SLC9A2: variants seen among roughly 807,000 people sequenced by gnomAD.
The protein encoded by SLC9A2 is solute carrier family 9 member A2, also known as sodium/hydrogen exchanger 2.
SLC9A2 carries 42 observed loss-of-function variants against 71.7 expected under a neutral mutation model. That is an observed-to-expected ratio of 0.59 (90% CI 0.46 to 0.76). The LOEUF is 0.76. Ranked by LOEUF, SLC9A2 falls within the 30% of genes least tolerant of loss-of-function variation. The pLI is 0.00. For missense variants in SLC9A2, 829 were observed against 1,017.4 expected, an observed-to-expected ratio of 0.81 and a Z score of 2.52; for synonymous variants, 396 against 392.5, an observed-to-expected ratio of 1.01 and a Z score of -0.10.
intron 1 of SLC9A2, among the ~76,000 whole-genome samples, chr2:102,655,524 A>G (rs1319348446): frequency 1.3e-5 from 2 of 152,334 alleles, no homozygotes; most frequent in Middle Eastern, 3.4e-3. Flanking sequence ...TTGTTTAAAA[A>G]CAAGACATAA....
chr2:102,623,813 C>T (rs559360693), intron 1 of SLC9A2, among the ~76,000 whole-genome samples: 10 of 152,218 alleles, frequency 6.6e-5, no homozygotes, highest in South Asian at 4.2e-4. Context: ...TTAATCTAAA[C>T]GTGGTTAAAT....
intron 1 of SLC9A2, among the ~76,000 whole-genome samples, chr2:102,654,254 C>G (rs978582222): frequency 7.6e-6 from 1 of 131,540 alleles, no homozygotes; most frequent in Non-Finnish European, 1.6e-5. Flanking sequence ...TCTTATCACA[C>G]ACTAGCAGGT....
In SLC9A2 at chr2:102,657,100, G is replaced by A; in HGVS notation, c.290-464G>A. 1.3e-5 allele frequency among the ~76,000 whole-genome samples: 2 copies of A among 151,978 alleles called. 1 individual carries two copies. Among genetic ancestry groups the A allele is most frequent in the East Asian group, 3.9e-4 (2 of 5,178 alleles). ...CGTGCCTATAATCCCAGCTATTCGG[G>A]AGGCTGAGGCAGGGAGAATTGCTTG... is the stretch of plus-strand genomic sequence containing the variant. On this transcript the variant is annotated intron_variant, in intron 1 of 11. Coordinates refer to ENST00000233969, the MANE Select transcript of SLC9A2 (RefSeq NM_003048.6).
intron 1 of SLC9A2, among the ~76,000 whole-genome samples, chr2:102,643,536 C>T (rs1054967501): frequency 3.3e-5 from 5 of 152,190 alleles, no homozygotes; most frequent in Admixed American, 2.6e-4. Flanking sequence ...CCGGCTTCTT[C>T]AGCTCCAAGT....
chr2:102,675,055 C>T (rs559605218), intron 3 of SLC9A2, among the ~76,000 whole-genome samples: 1 of 152,202 alleles, frequency 6.6e-6, no homozygotes, highest in South Asian at 2.1e-4. Context: ...TCACATGACC[C>T]GCCCTGTGAC....
At chr2:102,637,458 C>T (rs954900026) in intron 1 of SLC9A2, among the ~76,000 whole-genome samples, 3 of 152,168 alleles carry the variant, frequency 2.0e-5, no homozygotes, top group Non-Finnish European at 2.9e-5. Context: ...TGATCATTTC[C>T]GAGCTGTCCA....
chr2:102,644,345 C>A (rs1258425584), intron 1 of SLC9A2, among the ~76,000 whole-genome samples: 1 of 152,098 alleles, frequency 6.6e-6, no homozygotes, highest in African/African-American at 2.4e-5. Context: ...CCCTTGGGTG[C>A]CTACACAACC....
intron 3 of SLC9A2, among the ~76,000 whole-genome samples, chr2:102,670,184 T>C (rs565307017): frequency 1.3e-5 from 2 of 149,518 alleles, no homozygotes; most frequent in Non-Finnish European, 3.0e-5. Context: ...AGCTATTTTT[T>C]TTTTTGTATT....
rs1678085123 is a variant in SLC9A2 at position 102,710,488 on chromosome 2, A to C, written c.*1999A>C. On this transcript the variant is annotated 3_prime_UTR_variant, in exon 12 of 12. Transcript: ENST00000233969. ...TTCTGGAACTGAAGGAGAAAACATG[A>C]AAATGTTTATATTGCTTCTTGTTAA... 1 of 152,288 alleles carries C rather than the reference A, an allele frequency of 6.6e-6. No individual in the cohort carries two copies. Among genetic ancestry groups the C allele is most frequent in the African/African-American group, 2.4e-5 (1 of 41,466 alleles). 9.4% of individuals were successfully genotyped at this position (152,288 alleles called of 1,614,324 possible).
Position 102,684,452 on chromosome 2 carries a change from G to T in SLC9A2, c.1425+116G>T, listed in dbSNP as rs938467813. On this transcript the variant is annotated intron_variant, in intron 5 of 11. Coordinates refer to ENST00000233969, the MANE Select transcript of SLC9A2 (RefSeq NM_003048.6). Reference sequence around the variant, plus strand: ...TTGAAACTTTGGTAGTTAATTACTAGGGAAAATGATATTTCCTGTCTGGGT... The same window carrying T: ...TTGAAACTTTGGTAGTTAATTACTATGGAAAATGATATTTCCTGTCTGGGT... 3 of 937,530 alleles carry T rather than the reference G, an allele frequency of 3.2e-6. No homozygotes were observed. The Admixed American group carries it at 5.5e-5, about 17-fold the overall frequency. 58.1% of individuals were successfully genotyped at this position (937,530 alleles called of 1,614,324 possible). A position where few individuals can be genotyped will look rare whatever the true frequency, so the allele number is the denominator to read the frequency against.
chr2:102,671,221 T>A (rs573114407), intron 3 of SLC9A2, among the ~76,000 whole-genome samples: 5 of 152,304 alleles, frequency 3.3e-5, no homozygotes, highest in African/African-American at 1.2e-4. Flanking sequence ...CTCTTCTCAC[T>A]GGGTCATTGT....
chr2:102,640,775 A>G (rs1172865944), intron 1 of SLC9A2, among the ~76,000 whole-genome samples: 1 of 152,180 alleles, frequency 6.6e-6, no homozygotes, highest in African/African-American at 2.4e-5. Context: ...TGGGTGATGG[A>G]GTTGGAAGTC....
Position 102,665,263 on chromosome 2 carries a change from T to C in SLC9A2, c.917T>C (p.Ile306Thr). 3 of 1,614,104 alleles carry C rather than the reference T, an allele frequency of 1.9e-6. No individual in the cohort carries two copies. Among genetic ancestry groups the C allele is most frequent in the Non-Finnish European group, 2.5e-6 (3 of 1,180,002 alleles). Reference protein sequence around the residue: ...AAFTTRFTHNIRVIEPLFVFL... With the variant: ...AAFTTRFTHNTRVIEPLFVFL... ...TTTACTACTCGATTCACCCATAATA[T>C]CCGAGTGATCGAGCCACTGTTTGTT... The change falls in exon 3 of 12, where the codon ATC becomes ACC. Residue 306 changes from isoleucine (I) to threonine (T), a missense_variant. By Grantham distance (89) the Ile-to-Thr change is moderately conservative (BLOSUM62 -1). Coordinates refer to ENST00000233969, the MANE Select transcript of SLC9A2 (RefSeq NM_003048.6).
chr2:102,620,086 A>C lies in SLC9A2; in HGVS notation c.238A>C (p.Ile80Leu). Residue 80 changes from isoleucine to leucine, a missense_variant, in exon 1 of 12, where the codon ATC (isoleucine) becomes CTC (leucine). Transcript: ENST00000233969. ...TACGCTGGATTACCCCCACGTGCAG[A>C]TCCCCTTCGAGATCACCCTTTGGAT... ...VFTLDYPHVQ[I>L]PFEITLWILL... 1.2e-6 allele frequency: 2 copies of C among 1,613,604 alleles called. No individual in the cohort carries two copies. Among genetic ancestry groups the C allele is most frequent in the Non-Finnish European group, 1.7e-6 (2 of 1,179,794 alleles).
chr2:102,697,890 T>C (rs1677797112), intron 7 of SLC9A2, among the ~76,000 whole-genome samples: 1 of 151,848 alleles, frequency 6.6e-6, no homozygotes, highest in African/African-American at 2.4e-5. Context: ...ATTTGATCCT[T>C]TGAGAATGAA....
chr2:102,654,014 G>A (rs1282968725), intron 1 of SLC9A2, among the ~76,000 whole-genome samples: 1 of 152,092 alleles, frequency 6.6e-6, no homozygotes, highest in Admixed American at 6.5e-5. Flanking sequence ...GCCTGGGCAT[G>A]TTAGGAACCT....
At chr2:102,694,568 C>A in intron 6 of SLC9A2, 65 bp downstream of exon 6, 1 of 734,326 alleles carries the variant, frequency 1.4e-6, no homozygotes, top group Non-Finnish European at 2.2e-6. Flanking sequence ...AGTCAAACAG[C>A]TTGGTACCAC....
At chr2:102,629,879 A>G (rs1315949828) in intron 1 of SLC9A2, among the ~76,000 whole-genome samples, 1 of 152,078 alleles carries the variant, frequency 6.6e-6, no homozygotes, top group Non-Finnish European at 1.5e-5. Flanking sequence ...CTAGTGGTAA[A>G]GTGGGGACAA....
intron 5 of SLC9A2, among the ~76,000 whole-genome samples, chr2:102,687,313 C>T (rs1354436765): frequency 6.6e-6 from 1 of 152,098 alleles, no homozygotes. Flanking sequence ...CGTGCATGCA[C>T]CCACACACAC....
Sources: gnomAD v4.1 joint callset for allele counts (sites outside exome capture counted in the v4.1 genomes callset) on GRCh38, gnomAD v4.1.1 for gene constraint, MANE v1.5 for transcripts, NCBI Gene and HGNC (gene_info 2026-07-23, HGNC 2026-07-21) for gene names.